HCN1: variants seen among roughly 807,000 people sequenced by gnomAD.
HCN1 encodes the protein hyperpolarization activated cyclic nucleotide gated potassium channel 1, also known as potassium/sodium hyperpolarization-activated cyclic nucleotide-gated channel 1.
HCN1 carries 13 observed loss-of-function variants against 78.9 expected under a neutral mutation model. That is an observed-to-expected ratio of 0.16 (90% CI 0.11 to 0.26). The LOEUF is 0.26. HCN1 is among the 10% of genes least tolerant of loss of function. The pLI, the probability that HCN1 is intolerant of heterozygous loss-of-function variation, is 1.00. For missense variants in HCN1, 810 were observed against 1,154.3 expected, an observed-to-expected ratio of 0.70 and a Z score of 4.32; for synonymous variants, 552 against 455.5, an observed-to-expected ratio of 1.21 and a Z score of -2.70.
At chr5:45,500,663 A>C (rs1742169006) in intron 2 of HCN1, among the ~76,000 whole-genome samples, 1 of 152,158 alleles carries the variant, frequency 6.6e-6, no homozygotes, top group Admixed American at 6.5e-5. Context: ...CTTAACATAC[A>C]ACCTAACCCT....
At chr5:45,403,464 C>A (rs957261074) in intron 3 of HCN1, among the ~76,000 whole-genome samples, 1 of 152,250 alleles carries the variant, frequency 6.6e-6, no homozygotes, top group South Asian at 2.1e-4. Context: ...GAAGGGGAAG[C>A]AAACACGCCT....
intron 2 of HCN1, among the ~76,000 whole-genome samples, chr5:45,488,376 G>C (rs1561172765): frequency 1.3e-5 from 2 of 152,058 alleles, no homozygotes; most frequent in East Asian, 3.9e-4. Flanking sequence ...ATAAGTACTT[G>C]TTAAAAGACT....
rs557052846 is a variant in HCN1, at chr5:45,328,708, T to C, written c.1377+24392A>G. On this transcript the variant is annotated intron_variant, in intron 5 of 7. Transcript: ENST00000303230. Reference sequence around the variant, plus strand: ...TTATGAGTTGTGTATTTCTGGATTTTTCCATTTAATATTTTCAGACCAGAG... The same window carrying C: ...TTATGAGTTGTGTATTTCTGGATTTCTCCATTTAATATTTTCAGACCAGAG... 2.0e-5 allele frequency among the ~76,000 whole-genome samples: 3 copies of C among 151,734 alleles called. No individual in the cohort carries two copies. In the South Asian group the frequency reaches 6.2e-4, roughly 31 times the overall value.
chr5:45,440,985 T>C (rs1380823569), intron 3 of HCN1, among the ~76,000 whole-genome samples: 2 of 152,210 alleles, frequency 1.3e-5, no homozygotes, highest in Admixed American at 6.5e-5. Context: ...CACCAGCCAA[T>C]ATTGCACTTG....
At chr5:45,572,553 T>C (rs1160560617) in intron 2 of HCN1, among the ~76,000 whole-genome samples, 8 of 152,196 alleles carry the variant, frequency 5.3e-5, no homozygotes, top group African/African-American at 1.4e-4. Flanking sequence ...GACATACAAC[T>C]GTTGCATTTT....
At position 45,492,273 on chromosome 5, in the gene HCN1, T is replaced by A. The variant is rs534925374; in HGVS notation, c.850-30266A>T. Among the ~76,000 whole-genome samples, 4 of 149,724 alleles carry A rather than the reference T, an allele frequency of 2.7e-5. No homozygotes were observed. In the East Asian group the frequency reaches 7.9e-4, roughly 29 times the overall value. On this transcript the variant is annotated intron_variant, in intron 2 of 7. Coordinates refer to ENST00000303230, the MANE Select transcript of HCN1 (RefSeq NM_021072.4). ...ATTTTTACCCTCCCAAAACCCACTC[T>A]CTCTCTCACCAAAACTCTGTGTATG...
intron 2 of HCN1, among the ~76,000 whole-genome samples, chr5:45,517,448 T>C (rs1182484611): frequency 6.7e-6 from 1 of 150,056 alleles, no homozygotes; most frequent in Non-Finnish European, 1.5e-5. Context: ...AAAGATATTT[T>C]CCTACGTATA....
chr5:45,493,949 C>T lies in HCN1; in HGVS notation c.850-31942G>A, dbSNP rs537297673. Among the ~76,000 whole-genome samples the T allele has an allele frequency of 2.5e-3, 373 of 152,184 alleles. 4 individuals carry two copies. Among genetic ancestry groups the T allele is most frequent in the Admixed American group, 0.018 (278 of 15,288 alleles). On this transcript the variant is annotated intron_variant, in intron 2 of 7. Transcript: ENST00000303230. The stretch of plus-strand genomic sequence containing the variant: ...ATGAACTCATCATTTTTTATGGCTG[C>T]GTAGTATTCCATGGTGTATATGTTT...
At position 45,341,904 on chromosome 5, in the gene HCN1, A is replaced by C. The variant is rs189478325; in HGVS notation, c.1377+11196T>G. On this transcript the variant is annotated intron_variant, in intron 5 of 7. Transcript: ENST00000303230. ...CTCATCAAACAAGGGCAATTTTGTGAGAGTTTTGATGGGAGATCATTAGGC... is the reference window on the plus strand; with the variant it reads ...CTCATCAAACAAGGGCAATTTTGTGCGAGTTTTGATGGGAGATCATTAGGC... Among the ~76,000 whole-genome samples the C allele has an allele frequency of 1.7e-4, 26 of 152,292 alleles. 1 individual carries two copies. The East Asian group carries it at 5.0e-3, about 29-fold the overall frequency.
chr5:45,303,888 C>T, intron 5 of HCN1, 49 bp from the exon 6 acceptor site: 1 of 1,528,574 alleles, frequency 6.5e-7, no homozygotes, highest in Non-Finnish European at 9.1e-7. Context: ...TTAATCATAT[C>T]TGGAAGAAAA....
intron 3 of HCN1, among the ~76,000 whole-genome samples, chr5:45,421,092 T>A (rs529695190): frequency 6.6e-6 from 1 of 152,132 alleles, no homozygotes; most frequent in South Asian, 2.1e-4. Flanking sequence ...TGACAGAGTC[T>A]TGCTCTGTCG....
At chr5:45,547,202 GA>G (rs1034134567) in intron 2 of HCN1, among the ~76,000 whole-genome samples, 1 of 151,784 alleles carries the variant, frequency 6.6e-6, no homozygotes, top group Admixed American at 6.6e-5. Context: ...TATATTGACA[GA>G]ATATACACGA....
chr5:45,388,093 A>T (rs1308881199), intron 4 of HCN1, among the ~76,000 whole-genome samples: 1 of 152,124 alleles, frequency 6.6e-6, no homozygotes, highest in African/African-American at 2.4e-5. Context: ...AATACAGACG[A>T]TTTTAGGCCT....
At chr5:45,393,937 A>G (rs1212914979) in intron 4 of HCN1, among the ~76,000 whole-genome samples, 2 of 152,172 alleles carry the variant, frequency 1.3e-5, no homozygotes, top group African/African-American at 4.8e-5. Context: ...AATTCTATAT[A>G]GAGATCAGGG....
intron 2 of HCN1, among the ~76,000 whole-genome samples, chr5:45,585,653 GTT>G (rs1420744323): frequency 6.6e-6 from 1 of 152,160 alleles, no homozygotes; most frequent in African/African-American, 2.4e-5. Context: ...CATCTTCATG[GTT>G]TTATCTACCT....
intron 4 of HCN1, among the ~76,000 whole-genome samples, chr5:45,374,299 TTGTATAC>T (rs202173310): frequency 3.2e-4 from 30 of 93,044 alleles, no homozygotes; most frequent in East Asian, 9.0e-4. Context: ...ATTATATATA[TTGTATAC>T]ATTATATACA....
chr5:45,371,410 A>T (rs959251275), intron 4 of HCN1, among the ~76,000 whole-genome samples: 4 of 151,840 alleles, frequency 2.6e-5, no homozygotes, highest in African/African-American at 9.7e-5. Flanking sequence ...TAAAGAGAAG[A>T]TCCAAATAAA....
chr5:45,314,821 C>T (rs1579803391), intron 5 of HCN1, among the ~76,000 whole-genome samples: 1 of 152,054 alleles, frequency 6.6e-6, no homozygotes, highest in East Asian at 1.9e-4. Context: ...CAAAGAAGGC[C>T]ATTACATAAT....
chr5:45,264,232 T>C (rs963631896), intron 7 of HCN1, among the ~76,000 whole-genome samples: 1 of 152,180 alleles, frequency 6.6e-6, no homozygotes, highest in Non-Finnish European at 1.5e-5. Context: ...AATTTTACCT[T>C]TTCCTGCCAT....
Sources: gnomAD v4.1 joint callset for allele counts (sites outside exome capture counted in the v4.1 genomes callset) on GRCh38, gnomAD v4.1.1 for gene constraint, MANE v1.5 for transcripts, NCBI Gene and HGNC (gene_info 2026-07-23, HGNC 2026-07-21) for gene names.